Variants in ADAMTS18 observed in about 807,000 individuals in gnomAD.
The protein encoded by ADAMTS18 is A disintegrin and metalloproteinase with thrombospondin motifs 18.
A neutral mutation model predicts 165.9 loss-of-function variants in ADAMTS18; 157 were observed. That is an observed-to-expected ratio of 0.95 (90% CI 0.83 to 1.08). ADAMTS18 has a LOEUF of 1.08. ADAMTS18 is among the 50% of genes least tolerant of loss of function. The pLI, the probability that ADAMTS18 is intolerant of heterozygous loss-of-function variation, is 0.00. For missense variants in ADAMTS18, 2,040 were observed against 1,534.0 expected (o/e 1.33, Z -5.51); for synonymous variants, 782 against 578.2 (o/e 1.35, Z -5.06).
At chr16:77,294,820 C>T in intron 19 of ADAMTS18, 103 bp downstream of exon 19, 1 of 1,128,514 alleles carries the variant, frequency 8.9e-7, no homozygotes, top group Non-Finnish European at 1.3e-6. Flanking sequence ...GGGTGATTTC[C>T]ATGAACATGT....
chr16:77,326,971 G>C (rs953093159), intron 12 of ADAMTS18, among the ~76,000 whole-genome samples: 1 of 152,142 alleles, frequency 6.6e-6, no homozygotes, highest in Admixed American at 6.5e-5. Context: ...TCCCGCCTTA[G>C]TTGGCTTACA....
chr16:77,323,559 T>C (rs2056041711), intron 13 of ADAMTS18, among the ~76,000 whole-genome samples: 1 of 51,310 alleles, frequency 1.9e-5, no homozygotes, highest in African/African-American at 6.9e-5. Context: ...GAAAGTTCCT[T>C]TTTTTTTTTT....
chr16:77,420,241 C>T (rs1243500999), intron 3 of ADAMTS18, among the ~76,000 whole-genome samples: 2 of 151,954 alleles, frequency 1.3e-5, no homozygotes, highest in African/African-American at 4.8e-5. Context: ...TTCAAAAAGT[C>T]ATTTCTCCAA....
intron 3 of ADAMTS18, among the ~76,000 whole-genome samples, chr16:77,369,071 AG>A (rs1184682920): frequency 6.6e-6 from 1 of 152,218 alleles, no homozygotes; most frequent in Admixed American, 6.5e-5. Context: ...TAGTAGCTTC[AG>A]CCTCACCCAG....
chr16:77,304,534 T>C lies in ADAMTS18; in HGVS notation c.2533-4130A>G, dbSNP rs572008909. Reference sequence around the variant, plus strand: ...CCCCCCTCTGAAAAAGACAAACTGTTACACTGTGTTTCCCACATCCCTTTT... The same window carrying C: ...CCCCCCTCTGAAAAAGACAAACTGTCACACTGTGTTTCCCACATCCCTTTT... On this transcript the variant is annotated intron_variant, in intron 16 of 22. Coordinates refer to ENST00000282849, the MANE Select transcript of ADAMTS18 (RefSeq NM_199355.4). Among the ~76,000 whole-genome samples the C allele has an allele frequency of 2.1e-3, 317 of 152,358 alleles. 2 individuals carry two copies. Among genetic ancestry groups the C allele is most frequent in the Non-Finnish European group, 3.9e-3 (262 of 68,030 alleles).
intron 16 of ADAMTS18, among the ~76,000 whole-genome samples, chr16:77,314,951 C>A (rs1451169195): frequency 6.7e-6 from 1 of 150,270 alleles, no homozygotes; most frequent in Non-Finnish European, 1.5e-5. Context: ...TTAAGTGACA[C>A]AGAGATTAAG....
At chr16:77,416,432 C>T (rs1027396441) in intron 3 of ADAMTS18, among the ~76,000 whole-genome samples, 76 of 152,252 alleles carry the variant, frequency 5.0e-4, no homozygotes, top group African/African-American at 1.7e-3. Context: ...AAGGGCAGGG[C>T]CAGGTGGAGA....
At chr16:77,365,917 T>G (rs2056786678) in intron 4 of ADAMTS18, among the ~76,000 whole-genome samples, 1 of 152,212 alleles carries the variant, frequency 6.6e-6, no homozygotes, top group African/African-American at 2.4e-5. Context: ...GACACTTGTT[T>G]ATAAGGTTGT....
rs779479229 is a variant in ADAMTS18, at chr16:77,362,292, G to T, written c.1057-28C>A. On this transcript the variant is annotated intron_variant, in intron 6 of 22. Coordinates refer to ENST00000282849, the MANE Select transcript of ADAMTS18 (RefSeq NM_199355.4). Reference sequence around the variant, plus strand: ...ATGGGAAACCCACACAAATCAAAGTGTGAATTTGTCACAGAGATGAGAATG... The same window carrying T: ...ATGGGAAACCCACACAAATCAAAGTTTGAATTTGTCACAGAGATGAGAATG... 1.2e-5 allele frequency: 20 copies of T among 1,612,774 alleles called. No homozygotes were observed. In the South Asian group the frequency reaches 2.2e-4, roughly 18 times the overall value.
chr16:77,350,789 C>T (rs950557516), intron 10 of ADAMTS18, among the ~76,000 whole-genome samples: 5 of 152,144 alleles, frequency 3.3e-5, no homozygotes, highest in Admixed American at 1.3e-4. Flanking sequence ...TGGGACGAGA[C>T]ATTTCTCACA....
chr16:77,300,993 A>G (rs1341552765), intron 16 of ADAMTS18, among the ~76,000 whole-genome samples: 1 of 152,240 alleles, frequency 6.6e-6, no homozygotes, highest in African/African-American at 2.4e-5. Context: ...TACTTTCCAT[A>G]GAAAATTTTC....
At chr16:77,379,638 G>C (rs1024189786) in intron 3 of ADAMTS18, among the ~76,000 whole-genome samples, 2 of 152,086 alleles carry the variant, frequency 1.3e-5, no homozygotes, top group Non-Finnish European at 2.9e-5. Flanking sequence ...ACAGGTGCGT[G>C]CCACCACACC....
intron 3 of ADAMTS18, among the ~76,000 whole-genome samples, chr16:77,373,837 C>G (rs958187701): frequency 6.6e-6 from 1 of 152,164 alleles, no homozygotes; most frequent in Non-Finnish European, 1.5e-5. Flanking sequence ...CCCACCATCC[C>G]TCATATGCAG....
intron 3 of ADAMTS18, among the ~76,000 whole-genome samples, chr16:77,378,197 G>A (rs111591508): frequency 0.04 from 6,012 of 152,064 alleles, 349 homozygotes; most frequent in African/African-American, 0.13. Flanking sequence ...GTGGTGGCAT[G>A]TGGTATAGTC....
chr16:77,400,485 G>GTGTGT, intron 3 of ADAMTS18, among the ~76,000 whole-genome samples: 1 of 114,666 alleles, frequency 8.7e-6, no homozygotes, highest in African/African-American at 3.3e-5. Flanking sequence ...TGTGTGTTTT[G>GTGTGT]TTTTTTTTTT....
At chr16:77,293,532 C>A (rs1314812466) in intron 19 of ADAMTS18, among the ~76,000 whole-genome samples, 1 of 151,878 alleles carries the variant, frequency 6.6e-6, no homozygotes, top group Non-Finnish European at 1.5e-5. Context: ...GATTTACCCT[C>A]TGCTATAAAG....
At chr16:77,394,579 G>T (rs1597219176) in intron 3 of ADAMTS18, among the ~76,000 whole-genome samples, 1 of 152,120 alleles carries the variant, frequency 6.6e-6, no homozygotes, top group Non-Finnish European at 1.5e-5. Flanking sequence ...TTAATATACA[G>T]AAAGAGGAGG....
intron 3 of ADAMTS18, among the ~76,000 whole-genome samples, chr16:77,416,454 TG>T (rs917754333): frequency 2.6e-5 from 4 of 152,178 alleles, no homozygotes; most frequent in Non-Finnish European, 5.9e-5. Context: ...AACTGAATCA[TG>T]GGGGTGGTTT....
At chr16:77,365,894 T>C (rs1477804561) in intron 4 of ADAMTS18, among the ~76,000 whole-genome samples, 1 of 152,250 alleles carries the variant, frequency 6.6e-6, no homozygotes, top group Non-Finnish European at 1.5e-5. Flanking sequence ...TTTCCTTATC[T>C]ATGAAAACAG....
Sources: allele counts gnomAD v4.1 joint callset (sites outside exome capture counted in the v4.1 genomes callset), GRCh38; gene constraint gnomAD v4.1.1; transcripts MANE v1.5; gene names NCBI Gene and HGNC (gene_info 2026-07-23, HGNC 2026-07-21).